SHISA9: variants seen among roughly 807,000 people sequenced by gnomAD.
The protein encoded by SHISA9 is shisa family member 9, also known as protein shisa-9.
A neutral mutation model predicts 38.0 loss-of-function variants in SHISA9; 13 were observed. That is an observed-to-expected ratio of 0.34 (90% CI 0.22 to 0.54). The LOEUF (loss-of-function observed/expected upper bound fraction) is 0.54. Among genes scored for constraint, SHISA9 ranks in the 20% least tolerant of loss-of-function variants. The pLI, the probability that SHISA9 is intolerant of heterozygous loss-of-function variation, is 0.91. For missense variants in SHISA9, 538 were observed against 575.8 expected (o/e 0.93, Z 0.67); for synonymous variants, 275 against 242.0 (o/e 1.14, Z -1.27).
chr16:12,917,590 CT>C (rs2071274705), intron 2 of SHISA9, among the ~76,000 whole-genome samples: 2 of 152,170 alleles, frequency 1.3e-5, no homozygotes, highest in Non-Finnish European at 2.9e-5. Flanking sequence ...AGCTGATGCT[CT>C]GACCTATGAG....
At chr16:13,280,117 CTTTTTTTT>C in the SHISA9 span, among the ~76,000 whole-genome samples, 28 of 102,852 alleles carry the variant, frequency 2.7e-4, no homozygotes, top group Admixed American at 2.4e-3. Context: ...CTCTCTTTCT[CTTTTTTTT>C]TTTTTTTTTT....
intron 2 of SHISA9, among the ~76,000 whole-genome samples, chr16:12,963,806 C>T (rs897715706): frequency 2.6e-5 from 4 of 152,116 alleles, no homozygotes; most frequent in African/African-American, 7.2e-5. Context: ...GAGTTGTGAA[C>T]GGCAGAAAAT....
At chr16:13,377,905 CACCTGTAGTCCCAGCT>C in the SHISA9 span, among the ~76,000 whole-genome samples, 3 of 152,144 alleles carry the variant, frequency 2.0e-5, no homozygotes, top group African/African-American at 7.2e-5. Flanking sequence ...TGGTGGCACG[CACCTGTAGTCCCAGCT>C]ACCTGGGAGG....
At chr16:13,361,640 T>C in the SHISA9 span, among the ~76,000 whole-genome samples, 1 of 152,212 alleles carries the variant, frequency 6.6e-6, no homozygotes. Flanking sequence ...CATGAATCTT[T>C]TTCCTAATTA....
the SHISA9 span, among the ~76,000 whole-genome samples, chr16:13,374,048 A>G: frequency 6.6e-6 from 1 of 152,244 alleles, no homozygotes; most frequent in Non-Finnish European, 1.5e-5. Flanking sequence ...ATGCAGTTTC[A>G]ACAAAGCTTG....
chr16:13,500,012 G>C, the SHISA9 span, among the ~76,000 whole-genome samples: 2 of 152,176 alleles, frequency 1.3e-5, no homozygotes, highest in Non-Finnish European at 2.9e-5. Flanking sequence ...ATATAGCAGC[G>C]TGGTGTGATA....
intron 2 of SHISA9, among the ~76,000 whole-genome samples, chr16:13,104,537 T>A (rs2073908158): frequency 6.6e-6 from 1 of 152,214 alleles, no homozygotes; most frequent in Non-Finnish European, 1.5e-5. Context: ...AATGAAATAC[T>A]GATATCTGCT....
At chr16:13,401,128 C>T in the SHISA9 span, among the ~76,000 whole-genome samples, 1 of 152,138 alleles carries the variant, frequency 6.6e-6, no homozygotes, top group African/African-American at 2.4e-5. Flanking sequence ...CAGAATCTCC[C>T]AAGGATTAAA....
chr16:13,262,541 A>T, the SHISA9 span, among the ~76,000 whole-genome samples: 1 of 151,870 alleles, frequency 6.6e-6, no homozygotes, highest in Non-Finnish European at 1.5e-5. Flanking sequence ...ACTCTACTTT[A>T]TTTACTTTTT....
At chr16:13,130,572 A>T (rs2141986629) in intron 2 of SHISA9, among the ~76,000 whole-genome samples, 1 of 152,334 alleles carries the variant, frequency 6.6e-6, no homozygotes, top group South Asian at 2.1e-4. Context: ...TGTAGTATAT[A>T]ACACAGGTAT....
At chr16:13,074,810 A>G (rs1448953697) in intron 2 of SHISA9, among the ~76,000 whole-genome samples, 1 of 151,742 alleles carries the variant, frequency 6.6e-6, no homozygotes, top group African/African-American at 2.4e-5. Flanking sequence ...GATTACAGGC[A>G]CATGCCACCA....
At chr16:13,010,329 A>C (rs12935761) in intron 2 of SHISA9, among the ~76,000 whole-genome samples, 16,787 of 152,176 alleles carry the variant, frequency 0.11, 1,137 homozygotes, top group East Asian at 0.29. Flanking sequence ...CAAATTGGTT[A>C]CTGAGTCCCT....
intron 2 of SHISA9, among the ~76,000 whole-genome samples, chr16:13,135,680 C>T (rs561798406): frequency 6.6e-5 from 10 of 152,238 alleles, no homozygotes; most frequent in Non-Finnish European, 1.3e-4. Context: ...TTCTGGAGAA[C>T]TCAATCTTTG....
At chr16:13,160,878 A>G (rs1224576454) in intron 2 of SHISA9, among the ~76,000 whole-genome samples, 1 of 152,192 alleles carries the variant, frequency 6.6e-6, no homozygotes, top group African/African-American at 2.4e-5. Flanking sequence ...TAGGCAAGAA[A>G]TCAACACTTT....
At chr16:13,265,704 A>G in the SHISA9 span, among the ~76,000 whole-genome samples, 4 of 151,838 alleles carry the variant, frequency 2.6e-5, no homozygotes, top group Non-Finnish European at 5.9e-5. Flanking sequence ...AAACCATGTG[A>G]TATATGCTGA....
chr16:13,461,579 CA>C, the SHISA9 span, among the ~76,000 whole-genome samples: 6,964 of 126,012 alleles, frequency 0.055, 200 homozygotes, highest in Non-Finnish European at 0.073. Context: ...AACTCCCTCT[CA>C]AAAAAAAAAA....
At position 13,235,487 on chromosome 16, in the gene SHISA9, A is replaced by G; in HGVS notation, c.*78A>G. 1 of 1,424,444 alleles carries G rather than the reference A, an allele frequency of 7.0e-7. No homozygotes were observed. The highest frequency in any genetic ancestry group is 1.4e-5 in the South Asian group (1 of 69,780). 88.2% of individuals were successfully genotyped at this position (1,424,444 alleles called of 1,614,324 possible). On this transcript the variant is annotated 3_prime_UTR_variant, in exon 5 of 5. Coordinates refer to ENST00000558583, the MANE Select transcript of SHISA9 (RefSeq NM_001145204.3). ...AAACAACCCCGCCCACACCCTCCCCATCCTCCCCTAATACATGCGTCCACA... is the reference window on the plus strand; with the variant it reads ...AAACAACCCCGCCCACACCCTCCCCGTCCTCCCCTAATACATGCGTCCACA...
At chr16:13,026,365 T>A (rs953642037) in intron 2 of SHISA9, among the ~76,000 whole-genome samples, 2 of 152,252 alleles carry the variant, frequency 1.3e-5, no homozygotes, top group African/African-American at 2.4e-5. Flanking sequence ...TAGCATAATG[T>A]CCTCAAGTCT....
chr16:13,049,909 G>A (rs77701738), intron 2 of SHISA9, among the ~76,000 whole-genome samples: 5 of 151,912 alleles, frequency 3.3e-5, no homozygotes, highest in East Asian at 3.9e-4. Flanking sequence ...GTACTTTTCC[G>A]TTTGTTTTGT....
Sources: gnomAD v4.1 joint callset for allele counts (sites outside exome capture counted in the v4.1 genomes callset) on GRCh38, gnomAD v4.1.1 for gene constraint, MANE v1.5 for transcripts, NCBI Gene and HGNC (gene_info 2026-07-23, HGNC 2026-07-21) for gene names.